Variants in POU2F3 observed in about 807,000 individuals in gnomAD.
The protein encoded by POU2F3 is POU domain, class 2, transcription factor 3.
A neutral mutation model predicts 59.2 loss-of-function variants in POU2F3; 23 were observed. The observed-to-expected ratio is 0.39, with a 90% CI of 0.28 to 0.55. POU2F3 has a LOEUF of 0.55. Ranked by LOEUF, POU2F3 falls within the 20% of genes least tolerant of loss-of-function variation. The pLI is 0.66. For missense variants in POU2F3, 473 were observed against 544.5 expected (o/e 0.87, Z 1.31); for synonymous variants, 190 against 214.6 (o/e 0.89, Z 1.00).
At chr11:120,298,489 C>A (rs1409375204) in intron 4 of POU2F3, 99 bp downstream of exon 4, 2 of 1,505,034 alleles carry the variant, frequency 1.3e-6, no homozygotes, top group Non-Finnish European at 1.8e-6. Context: ...GAACCCCCTG[C>A]AGGCAATGTG....
intron 1 of POU2F3, 113 bp downstream of exon 1, chr11:120,240,484 A>G (rs1156576469): frequency 3.9e-5 from 46 of 1,179,958 alleles, no homozygotes; most frequent in Non-Finnish European, 4.8e-5. Context: ...CGGCCAGGAG[A>G]GGGCGGTGTG....
intron 2 of POU2F3, among the ~76,000 whole-genome samples, chr11:120,258,536 C>A (rs1939452604): frequency 6.6e-6 from 1 of 152,198 alleles, no homozygotes; most frequent in East Asian, 1.9e-4. Context: ...CTCTCTAGCA[C>A]AAAAAAGCTC....
chr11:120,289,974 T>C (rs1337417382), intron 3 of POU2F3, among the ~76,000 whole-genome samples: 1 of 152,190 alleles, frequency 6.6e-6, no homozygotes, highest in Middle Eastern at 3.2e-3. Flanking sequence ...TGGTATACAG[T>C]AGGTGCTTGG....
At chr11:120,243,960 G>A (rs1019665507) in intron 1 of POU2F3, among the ~76,000 whole-genome samples, 3 of 152,238 alleles carry the variant, frequency 2.0e-5, no homozygotes, top group African/African-American at 7.2e-5. Context: ...AGGCTAACTT[G>A]AAGGATGAAT....
At chr11:120,286,819 AG>A (rs1940798588) in intron 3 of POU2F3, among the ~76,000 whole-genome samples, 2 of 151,006 alleles carry the variant, frequency 1.3e-5, no homozygotes. Flanking sequence ...TATATGTTTG[AG>A]CTTTTTTTTT....
upstream of POU2F3, among the ~76,000 whole-genome samples, chr11:120,239,715 C>A (rs2135110214): frequency 6.6e-6 from 1 of 152,328 alleles, no homozygotes; most frequent in Non-Finnish European, 1.5e-5. Flanking sequence ...AGGTGAAGAA[C>A]CTTGTCCCAG....
rs766126866 is a variant in POU2F3, at chr11:120,246,474, C to T, written c.54C>T (p.Ala18=). 17 of 1,613,014 alleles carry T rather than the reference C, an allele frequency of 1.1e-5. No homozygotes were observed. The highest frequency in any genetic ancestry group is 4.0e-5 in the African/African-American group (3 of 74,570). Residue 18 remains alanine, a synonymous_variant, in exon 2 of 13, where the codon GCC becomes GCT. Transcript: ENST00000543440. ...HTDIKMSGDV[A]DSTDARSTLS... ...ATATCAAGATGAGTGGGGATGTAGC[C>T]GATTCCACGGATGCTCGCAGCACTC... is the stretch of plus-strand genomic sequence containing the variant.
chr11:120,252,383 T>C (rs1056328856), intron 2 of POU2F3, among the ~76,000 whole-genome samples: 1 of 151,898 alleles, frequency 6.6e-6, no homozygotes, highest in African/African-American at 2.4e-5. Context: ...AATTTTTGTA[T>C]TTTTAGTAGG....
intron 1 of POU2F3, among the ~76,000 whole-genome samples, chr11:120,243,289 G>A (rs530299188): frequency 6.6e-6 from 1 of 152,296 alleles, no homozygotes; most frequent in South Asian, 2.1e-4. Flanking sequence ...TGGACACTAG[G>A]AGAGAGGGCT....
At chr11:120,293,814 T>C (rs909409652) in intron 3 of POU2F3, among the ~76,000 whole-genome samples, 1 of 152,194 alleles carries the variant, frequency 6.6e-6, no homozygotes, top group African/African-American at 2.4e-5. Flanking sequence ...AGTGTACGTC[T>C]GGGCCAGAAG....
At chr11:120,262,873 T>C (rs1325644703) in intron 2 of POU2F3, among the ~76,000 whole-genome samples, 2 of 152,092 alleles carry the variant, frequency 1.3e-5, no homozygotes, top group South Asian at 4.1e-4. Context: ...TAATAAAACT[T>C]TTGGTTGGCT....
At chr11:120,293,811 G>A (rs1401462376) in intron 3 of POU2F3, among the ~76,000 whole-genome samples, 1 of 152,132 alleles carries the variant, frequency 6.6e-6, no homozygotes, top group Non-Finnish European at 1.5e-5. Flanking sequence ...CTCAGTGTAC[G>A]TCTGGGCCAG....
At chr11:120,273,101 T>C (rs1178701293) in intron 3 of POU2F3, among the ~76,000 whole-genome samples, 1 of 152,204 alleles carries the variant, frequency 6.6e-6, no homozygotes, top group Admixed American at 6.5e-5. Flanking sequence ...AAGTCACCCT[T>C]GAGCTGTAGA....
At chr11:120,299,340 T>C (rs1452465634) in intron 4 of POU2F3, among the ~76,000 whole-genome samples, 1 of 152,202 alleles carries the variant, frequency 6.6e-6, no homozygotes, top group Non-Finnish European at 1.5e-5. Context: ...TATAGTCTAG[T>C]TGGGAGACAG....
intron 1 of POU2F3, among the ~76,000 whole-genome samples, chr11:120,245,003 C>T (rs982776835): frequency 6.6e-6 from 1 of 152,076 alleles, no homozygotes; most frequent in Admixed American, 6.5e-5. Context: ...CTGTGACCGA[C>T]CACAAAGTGC....
intron 3 of POU2F3, among the ~76,000 whole-genome samples, chr11:120,280,908 C>T (rs372148167): frequency 6.6e-6 from 1 of 152,082 alleles, no homozygotes; most frequent in Non-Finnish European, 1.5e-5. Flanking sequence ...TTCGAGAAGC[C>T]GCCTCCCTGG....
At chr11:120,298,798 G>C (rs1177583621) in intron 4 of POU2F3, among the ~76,000 whole-genome samples, 1 of 152,198 alleles carries the variant, frequency 6.6e-6, no homozygotes, top group Non-Finnish European at 1.5e-5. Flanking sequence ...GGGGAAGAAA[G>C]AGGCGTCTGA....
chr11:120,309,715 A>G, intron 10 of POU2F3, 129 bp downstream of exon 10: 1 of 1,146,458 alleles, frequency 8.7e-7, no homozygotes, highest in Non-Finnish European at 1.2e-6. Context: ...TGTATAGAAT[A>G]TAGTATAAAG....
intron 2 of POU2F3, among the ~76,000 whole-genome samples, chr11:120,264,520 T>C (rs1360073187): frequency 1.3e-5 from 2 of 152,168 alleles, no homozygotes; most frequent in African/African-American, 4.8e-5. Flanking sequence ...GAGAAGGGCC[T>C]TTCAGAGGGA....
Sources: gnomAD v4.1 joint callset for allele counts (sites outside exome capture counted in the v4.1 genomes callset) on GRCh38, gnomAD v4.1.1 for gene constraint, MANE v1.5 for transcripts, NCBI Gene and HGNC (gene_info 2026-07-23, HGNC 2026-07-21) for gene names.